The following SPATA17 variants were observed in gnomAD, a reference collection of about 807,000 sequenced individuals.
SPATA17 encodes the protein spermatogenesis associated 17.
In SPATA17, 53 loss-of-function variants were observed where a neutral mutation model predicts 62.2. That is an observed-to-expected ratio of 0.85 (90% CI 0.68 to 1.07). The LOEUF (loss-of-function observed/expected upper bound fraction) is 1.07, where lower values mean the gene tolerates loss of function less well. Among genes scored for constraint, SPATA17 ranks in the 50% least tolerant of loss-of-function variants. The pLI, the probability that SPATA17 is intolerant of heterozygous loss-of-function variation, is 0.00. For synonymous variants in SPATA17, 146 were observed against 146.8 expected, an observed-to-expected ratio of 0.99 and a Z score of 0.04; for missense variants, 466 against 425.5, an observed-to-expected ratio of 1.10 and a Z score of -0.84.
rs549109741 is a variant in SPATA17 at position 217,653,700 on chromosome 1, C to T, written c.240+2522C>T. ...CAGATAGAAGGAAGTGTTGTAGATG[C>T]TTCCTGGGCATAATGTCATATTCTT... On this transcript the variant is annotated intron_variant, in intron 3 of 10. Transcript: ENST00000366933. 3.0e-4 allele frequency among the ~76,000 whole-genome samples: 45 copies of T among 151,132 alleles called. 1 individual carries two copies. Among genetic ancestry groups the T allele is most frequent in the African/African-American group, 9.4e-4 (38 of 40,474 alleles).
intron 5 of SPATA17, among the ~76,000 whole-genome samples, chr1:217,731,198 T>C (rs549197939): frequency 8.6e-4 from 131 of 152,134 alleles, no homozygotes; most frequent in Non-Finnish European, 1.5e-3. Flanking sequence ...TCGATGCATT[T>C]ACCTTTTCAT....
intron 5 of SPATA17, among the ~76,000 whole-genome samples, chr1:217,690,351 C>A (rs1448422925): frequency 1.3e-5 from 2 of 152,008 alleles, no homozygotes; most frequent in African/African-American, 4.8e-5. Context: ...GATACAGCTT[C>A]TATCTTGCTA....
At chr1:217,698,269 A>C (rs567665059) in intron 5 of SPATA17, among the ~76,000 whole-genome samples, 4 of 152,244 alleles carry the variant, frequency 2.6e-5, no homozygotes, top group South Asian at 2.1e-4. Context: ...CCCTGTCTCT[A>C]CTAAAAATAC....
At chr1:217,749,985 C>CTCTCTCTCTCTCTATATATA in intron 6 of SPATA17, among the ~76,000 whole-genome samples, 9 of 12,314 alleles carry the variant, frequency 7.3e-4, no homozygotes, top group Non-Finnish European at 9.5e-4. Flanking sequence ...CTCTCTCTCT[C>CTCTCTCTCTCTCTATATATA]TATATATATA....
chr1:217,661,078 CTTAGA>C (rs912570904), intron 3 of SPATA17, among the ~76,000 whole-genome samples: 4 of 151,782 alleles, frequency 2.6e-5, no homozygotes, highest in African/African-American at 9.7e-5. Context: ...TGAATGGGAG[CTTAGA>C]TTAAAGATCA....
chr1:217,696,156 G>C (rs1471965604), intron 5 of SPATA17, among the ~76,000 whole-genome samples: 1 of 152,194 alleles, frequency 6.6e-6, no homozygotes, highest in Non-Finnish European at 1.5e-5. Flanking sequence ...TTCCGTGGGC[G>C]TAGGACCCTC....
intron 9 of SPATA17, among the ~76,000 whole-genome samples, chr1:217,856,913 T>A (rs1236160189): frequency 1.3e-5 from 2 of 152,172 alleles, no homozygotes; most frequent in African/African-American, 4.8e-5. Flanking sequence ...GTCTGAAAAG[T>A]CTCCAGTGCT....
intron 5 of SPATA17, among the ~76,000 whole-genome samples, chr1:217,732,846 C>A (rs1405091052): frequency 6.6e-6 from 1 of 152,022 alleles, no homozygotes; most frequent in Non-Finnish European, 1.5e-5. Context: ...GTAGTTATGT[C>A]ATTATTAATT....
At chr1:217,701,317 GTA>G (rs1366590809) in intron 5 of SPATA17, among the ~76,000 whole-genome samples, 6 of 151,298 alleles carry the variant, frequency 4.0e-5, no homozygotes, top group Admixed American at 6.6e-5. Context: ...GTGTGTGTGT[GTA>G]TATATATGTG....
intron 4 of SPATA17, among the ~76,000 whole-genome samples, chr1:217,669,426 T>C (rs951219371): frequency 1.3e-5 from 2 of 152,180 alleles, no homozygotes; most frequent in Non-Finnish European, 2.9e-5. Context: ...TTGTGAAATA[T>C]AAGATTCCTG....
intron 9 of SPATA17, among the ~76,000 whole-genome samples, chr1:217,857,698 C>G (rs1675813671): frequency 6.6e-6 from 1 of 151,828 alleles, no homozygotes; most frequent in Admixed American, 6.6e-5. Context: ...CTCCCAAAAC[C>G]AAAGTTCTCC....
intron 5 of SPATA17, among the ~76,000 whole-genome samples, chr1:217,695,810 T>A (rs1297840455): frequency 1.3e-5 from 1 of 79,830 alleles, no homozygotes; most frequent in Non-Finnish European, 2.5e-5. Context: ...TGCTCGGGGG[T>A]CAGGAGTCAG....
chr1:217,866,974 G>C (rs146931410), intron 10 of SPATA17, 48 bp from the exon 11 acceptor site: 1 of 151,940 alleles, frequency 6.6e-6, no homozygotes, highest in African/African-American at 2.4e-5. Context: ...TTCCACGTCT[G>C]ATGAGTGACC....
At chr1:217,862,723 A>G (rs1675921663) in intron 9 of SPATA17, 51 bp from the exon 10 acceptor site, 2 of 1,273,266 alleles carry the variant, frequency 1.6e-6, no homozygotes, top group Non-Finnish European at 1.1e-6. Flanking sequence ...AATGGTAATA[A>G]CATAAAATCA....
At chr1:217,815,422 C>T (rs2102994010) in intron 9 of SPATA17, among the ~76,000 whole-genome samples, 1 of 152,250 alleles carries the variant, frequency 6.6e-6, no homozygotes, top group East Asian at 1.9e-4. Context: ...CCTATCAAAC[C>T]ATTTAGCAGC....
chr1:217,864,270 G>T (rs1278151410), intron 10 of SPATA17, among the ~76,000 whole-genome samples: 1 of 152,090 alleles, frequency 6.6e-6, no homozygotes, highest in Non-Finnish European at 1.5e-5. Context: ...AGATATATCA[G>T]TCCTGTTTAT....
At chr1:217,761,806 C>T (rs918845130) in intron 6 of SPATA17, among the ~76,000 whole-genome samples, 1 of 152,100 alleles carries the variant, frequency 6.6e-6, no homozygotes, top group African/African-American at 2.4e-5. Context: ...CCAGAAAGTT[C>T]TTTAAATGGA....
chr1:217,712,006 G>GA (rs1671877219), intron 5 of SPATA17, among the ~76,000 whole-genome samples: 1 of 151,340 alleles, frequency 6.6e-6, no homozygotes, highest in East Asian at 1.9e-4. Flanking sequence ...AGAGCAACTA[G>GA]TTTTTTTTAT....
intron 1 of SPATA17, among the ~76,000 whole-genome samples, chr1:217,645,581 G>T (rs1158064022): frequency 6.6e-6 from 1 of 152,052 alleles, no homozygotes; most frequent in South Asian, 2.1e-4. Flanking sequence ...AATGGTAAAA[G>T]GTTTAAATAA....
Sources: gnomAD v4.1 joint callset for allele counts (sites outside exome capture counted in the v4.1 genomes callset) on GRCh38, gnomAD v4.1.1 for gene constraint, MANE v1.5 for transcripts, NCBI Gene and HGNC (gene_info 2026-07-23, HGNC 2026-07-21) for gene names.